ELMO1: variants seen among roughly 807,000 people sequenced by gnomAD.
The protein encoded by ELMO1 is engulfment and cell motility 1.
Under a neutral mutation model 98.9 loss-of-function variants are expected in ELMO1, and 26 were observed. That is an observed-to-expected ratio of 0.26 (90% confidence interval 0.19 to 0.36). The LOEUF (loss-of-function observed/expected upper bound fraction) is 0.36. Among genes scored for constraint, ELMO1 ranks in the 10% least tolerant of loss-of-function variants. The pLI, the probability that ELMO1 is intolerant of heterozygous loss-of-function variation, is 1.00. For synonymous variants in ELMO1, 346 were observed against 346.0 expected, an observed-to-expected ratio of 1.00 and a Z score of 0.00; for missense variants, 627 against 935.2, an observed-to-expected ratio of 0.67 and a Z score of 4.30.
chr7:37,279,132 G>A (rs1250914944), intron 4 of ELMO1, among the ~76,000 whole-genome samples: 1 of 152,138 alleles, frequency 6.6e-6, no homozygotes, highest in African/African-American at 2.4e-5. Flanking sequence ...AAACTGGAAG[G>A]TGGAGGTTGC....
intron 16 of ELMO1, among the ~76,000 whole-genome samples, chr7:36,929,681 T>C (rs116037645): frequency 0.03 from 4,508 of 152,254 alleles, 215 homozygotes; most frequent in African/African-American, 0.1. Context: ...ATAGAGAGTA[T>C]GTCTTAGACT....
chr7:37,239,756 A>G (rs1403581016), intron 7 of ELMO1, among the ~76,000 whole-genome samples: 1 of 152,230 alleles, frequency 6.6e-6, no homozygotes, highest in African/African-American at 2.4e-5. Flanking sequence ...GCTGCAGAAT[A>G]AACAGTGCCT....
intron 13 of ELMO1, among the ~76,000 whole-genome samples, chr7:37,135,156 T>C (rs1034590160): frequency 3.9e-5 from 6 of 152,230 alleles, no homozygotes; most frequent in African/African-American, 1.4e-4. Context: ...ACTAGATTCT[T>C]ACTAAGATTA....
At chr7:37,165,601 GT>G (rs1789616397) in intron 13 of ELMO1, among the ~76,000 whole-genome samples, 1 of 151,998 alleles carries the variant, frequency 6.6e-6, no homozygotes, top group Non-Finnish European at 1.5e-5. Flanking sequence ...TAATCATGTG[GT>G]TTTTGTCTTT....
At chr7:37,167,027 T>A (rs991978456) in intron 13 of ELMO1, among the ~76,000 whole-genome samples, 1 of 152,130 alleles carries the variant, frequency 6.6e-6, no homozygotes, top group African/African-American at 2.4e-5. Flanking sequence ...TGCTCCTGTA[T>A]TGGGTGCATA....
At chr7:37,306,930 G>A (rs1357234155) in intron 4 of ELMO1, among the ~76,000 whole-genome samples, 3 of 152,072 alleles carry the variant, frequency 2.0e-5, no homozygotes. Context: ...TAAACCTAGT[G>A]ACTCAAAAAT....
chr7:37,127,500 T>C (rs905059233), intron 14 of ELMO1, among the ~76,000 whole-genome samples: 2 of 152,210 alleles, frequency 1.3e-5, no homozygotes, highest in Non-Finnish European at 2.9e-5. Context: ...AAACTCTCTG[T>C]ACCTCTCTAA....
intron 13 of ELMO1, among the ~76,000 whole-genome samples, chr7:37,191,619 T>G (rs1217865673): frequency 6.6e-6 from 1 of 152,050 alleles, no homozygotes; most frequent in Non-Finnish European, 1.5e-5. Flanking sequence ...AACCACTTAA[T>G]AAAATGTTAT....
At chr7:37,111,957 C>T (rs146844147) in intron 14 of ELMO1, among the ~76,000 whole-genome samples, 1 of 152,274 alleles carries the variant, frequency 6.6e-6, no homozygotes, top group African/African-American at 2.4e-5. Flanking sequence ...TGTTGTAAGG[C>T]TTTATCCTGT....
chr7:37,311,435 A>G (rs1015508591), intron 4 of ELMO1, among the ~76,000 whole-genome samples: 1 of 152,192 alleles, frequency 6.6e-6, no homozygotes, highest in Non-Finnish European at 1.5e-5. Flanking sequence ...AGCATGCACA[A>G]GTTTCAAAAA....
At chr7:37,301,345 A>G (rs1798333072) in intron 4 of ELMO1, among the ~76,000 whole-genome samples, 2 of 138,332 alleles carry the variant, frequency 1.4e-5, no homozygotes, top group Non-Finnish European at 3.2e-5. Context: ...AAAAAAAAAA[A>G]CTATTGGAAG....
intron 2 of ELMO1, among the ~76,000 whole-genome samples, chr7:37,335,559 A>AT (rs959033138): frequency 3.9e-5 from 6 of 152,226 alleles, no homozygotes; most frequent in African/African-American, 1.4e-4. Context: ...ATCCATGTCT[A>AT]TTTTTTTAAA....
intron 15 of ELMO1, among the ~76,000 whole-genome samples, chr7:37,075,067 TA>T (rs1797494195): frequency 1.3e-5 from 2 of 152,182 alleles, no homozygotes; most frequent in Non-Finnish European, 2.9e-5. Context: ...AAAAGGTGTG[TA>T]ACACTTAGCC....
chr7:37,066,164 T>C (rs1796950166), intron 15 of ELMO1, among the ~76,000 whole-genome samples: 1 of 152,164 alleles, frequency 6.6e-6, no homozygotes, highest in South Asian at 2.1e-4. Context: ...CTTTATAAAT[T>C]ACCCAGTCTC....
intron 14 of ELMO1, among the ~76,000 whole-genome samples, chr7:37,109,173 C>A (rs1313327335): frequency 6.6e-6 from 1 of 152,092 alleles, no homozygotes; most frequent in Non-Finnish European, 1.5e-5. Flanking sequence ...GCCTGGTGTG[C>A]CCCCAGGGAC....
intron 15 of ELMO1, among the ~76,000 whole-genome samples, chr7:37,055,749 C>T (rs925679361): frequency 1.3e-5 from 2 of 152,178 alleles, no homozygotes; most frequent in Admixed American, 1.3e-4. Flanking sequence ...AACTGGACCA[C>T]TGCATCCAGT....
intron 4 of ELMO1, among the ~76,000 whole-genome samples, chr7:37,298,638 A>G (rs1250767751): frequency 7.3e-6 from 1 of 137,006 alleles, no homozygotes; most frequent in African/African-American, 2.8e-5. Context: ...TGAACTCATC[A>G]TTTTTTATGG....
chr7:36,860,571 C>A (rs1376367932), intron 21 of ELMO1, among the ~76,000 whole-genome samples: 1 of 152,200 alleles, frequency 6.6e-6, no homozygotes, highest in East Asian at 1.9e-4. Flanking sequence ...CTGGGGAAAA[C>A]AGCCTTGCAG....
chr7:36,996,377 T>C (rs1012759127), intron 16 of ELMO1, among the ~76,000 whole-genome samples: 5 of 152,280 alleles, frequency 3.3e-5, no homozygotes, highest in Middle Eastern at 3.4e-3. Context: ...TTTTCAACAA[T>C]AGGATAAAAA....
Sources: gnomAD v4.1 joint callset for allele counts (sites outside exome capture counted in the v4.1 genomes callset) on GRCh38, gnomAD v4.1.1 for gene constraint, MANE v1.5 for transcripts, NCBI Gene and HGNC (gene_info 2026-07-23, HGNC 2026-07-21) for gene names.